LPAR3: variants seen among roughly 807,000 people sequenced by gnomAD.
LPAR3 encodes the protein LPA receptor 3.
A neutral mutation model predicts 17.8 loss-of-function variants in LPAR3; 7 were observed. That is an observed-to-expected ratio of 0.39 (90% CI 0.22 to 0.74). The LOEUF is 0.74. Ranked by LOEUF, LPAR3 falls within the 30% of genes least tolerant of loss-of-function variation. The pLI is 0.40. For missense variants in LPAR3, 391 were observed against 453.4 expected (o/e 0.86, Z 1.25); for synonymous variants, 179 against 179.9 (o/e 0.99, Z 0.04).
In LPAR3 at chr1:84,853,871, C is replaced by T. The variant is rs370503154; in HGVS notation, c.736+11514G>A. Reference sequence around the variant, plus strand: ...CCAGATGAGGCAGTTCAGCTGTGGGCTGAAGACTGGCCACAGGCCTATTTA... The same window carrying T: ...CCAGATGAGGCAGTTCAGCTGTGGGTTGAAGACTGGCCACAGGCCTATTTA... On this transcript the variant is annotated intron_variant, in intron 2 of 2. Coordinates refer to ENST00000370611, the MANE Select transcript of LPAR3 (RefSeq NM_012152.3). 6.6e-5 allele frequency among the ~76,000 whole-genome samples: 10 copies of T among 152,350 alleles called. No individual in the cohort carries two copies. In the South Asian group the frequency reaches 2.1e-3, roughly 32 times the overall value.
Position 84,813,158 on chromosome 1 carries a change from T to TATATATATATAGAGAGAGAG in LPAR3, c.*687_*688insCTCTCTCTCTATATATATAT, listed in dbSNP as rs1206774677. The TATATATATATAGAGAGAGAG allele has an allele frequency of 9.8e-6, 1 of 101,682 alleles. No individual in the cohort carries two copies. Among genetic ancestry groups the TATATATATATAGAGAGAGAG allele is most frequent in the East Asian group, 2.7e-4 (1 of 3,684 alleles). 6.3% of individuals were successfully genotyped at this position (101,682 alleles called of 1,614,324 possible). A position where few individuals can be genotyped will look rare whatever the true frequency, so the allele number is the denominator to read the frequency against. ...ATATATATATATATATATATATATA[T>TATATATATATAGAGAGAGAG]AGACACACACACACACACACACACA... On this transcript the variant is annotated 3_prime_UTR_variant, in exon 3 of 3. Coordinates refer to ENST00000370611, the MANE Select transcript of LPAR3 (RefSeq NM_012152.3).
intron 2 of LPAR3, among the ~76,000 whole-genome samples, chr1:84,850,981 C>G (rs551481399): frequency 6.6e-6 from 1 of 152,316 alleles, no homozygotes; most frequent in African/African-American, 2.4e-5. Flanking sequence ...GATGGTGGCT[C>G]CCAGCACTGG....
At chr1:84,873,575 C>G (rs1158638609) in intron 1 of LPAR3, among the ~76,000 whole-genome samples, 2 of 152,050 alleles carry the variant, frequency 1.3e-5, no homozygotes, top group Non-Finnish European at 2.9e-5. Flanking sequence ...CTCTGATATT[C>G]TTGGATAAAG....
At chr1:84,833,629 C>T (rs964684998) in intron 2 of LPAR3, among the ~76,000 whole-genome samples, 1 of 152,308 alleles carries the variant, frequency 6.6e-6, no homozygotes, top group African/African-American at 2.4e-5. Flanking sequence ...AGAGCCAGAC[C>T]GCTGGATTCA....
chr1:84,863,136 T>C (rs1659972982), intron 2 of LPAR3, among the ~76,000 whole-genome samples: 1 of 151,908 alleles, frequency 6.6e-6, no homozygotes. Flanking sequence ...AGTGCCGTGG[T>C]GTGATCACAG....
At chr1:84,841,808 A>G (rs1231260371) in intron 2 of LPAR3, among the ~76,000 whole-genome samples, 1 of 152,164 alleles carries the variant, frequency 6.6e-6, no homozygotes, top group Non-Finnish European at 1.5e-5. Flanking sequence ...TGGTCTGCTC[A>G]TAAGTCCTTC....
intron 2 of LPAR3, among the ~76,000 whole-genome samples, chr1:84,823,581 A>G (rs940016225): frequency 6.6e-6 from 1 of 152,178 alleles, no homozygotes; most frequent in African/African-American, 2.4e-5. Flanking sequence ...CCAGCTTTGA[A>G]AAACTGAAAA....
intron 2 of LPAR3, among the ~76,000 whole-genome samples, chr1:84,823,233 T>G (rs1659090445): frequency 6.6e-6 from 1 of 152,190 alleles, no homozygotes; most frequent in South Asian, 2.1e-4. Flanking sequence ...AATATTTAAG[T>G]GAAAATGCTC....
intron 1 of LPAR3, among the ~76,000 whole-genome samples, chr1:84,892,267 A>C (rs1005665641): frequency 2.6e-5 from 4 of 151,958 alleles, no homozygotes; most frequent in African/African-American, 9.7e-5. Context: ...ATAAAAACTA[A>C]CCTACAAATG....
chr1:84,870,289 C>T (rs910649819), intron 1 of LPAR3, among the ~76,000 whole-genome samples: 1 of 152,196 alleles, frequency 6.6e-6, no homozygotes, highest in African/African-American at 2.4e-5. Context: ...TTGCTTGTGA[C>T]CCAGTATTTT....
chr1:84,820,650 T>C (rs1426119033), intron 2 of LPAR3, among the ~76,000 whole-genome samples: 40 of 152,222 alleles, frequency 2.6e-4, no homozygotes, highest in Non-Finnish European at 5.9e-5. Flanking sequence ...TTTGGATTTA[T>C]TACAGATCAG....
intron 2 of LPAR3, among the ~76,000 whole-genome samples, chr1:84,824,653 T>C (rs1445411807): frequency 1.3e-5 from 2 of 152,178 alleles, no homozygotes; most frequent in Admixed American, 6.5e-5. Context: ...AATGAGATAA[T>C]ATGTGGAAAG....
intron 2 of LPAR3, among the ~76,000 whole-genome samples, chr1:84,858,176 T>G (rs557646533): frequency 1.3e-5 from 2 of 152,206 alleles, no homozygotes; most frequent in African/African-American, 4.8e-5. Flanking sequence ...CTTCTCATAT[T>G]ATAAAATTAT....
Position 84,854,045 on chromosome 1 carries a change from C to T in LPAR3, c.736+11340G>A, listed in dbSNP as rs185606227. Reference sequence around the variant, plus strand: ...CATATACCCATGTTATCTGCCTAGTCTCTCTTAGATATCTGACAATGAAGT... The same window carrying T: ...CATATACCCATGTTATCTGCCTAGTTTCTCTTAGATATCTGACAATGAAGT... On this transcript the variant is annotated intron_variant, in intron 2 of 2. Transcript: ENST00000370611. Among the ~76,000 whole-genome samples the T allele has an allele frequency of 3.8e-3, 575 of 152,340 alleles. 9 individuals carry two copies. The highest frequency in any genetic ancestry group is 4.1e-3 in the Non-Finnish European group (281 of 68,020).
At chr1:84,817,921 C>G (rs1280549177) in intron 2 of LPAR3, among the ~76,000 whole-genome samples, 1 of 152,162 alleles carries the variant, frequency 6.6e-6, no homozygotes, top group East Asian at 1.9e-4. Flanking sequence ...AGGTACCCTC[C>G]TACTCCTCCT....
intron 1 of LPAR3, among the ~76,000 whole-genome samples, chr1:84,880,215 A>G (rs566479794): frequency 6.6e-6 from 1 of 152,344 alleles, no homozygotes; most frequent in Admixed American, 6.5e-5. Flanking sequence ...CTGTAATGCC[A>G]GCTACTCGGG....
intron 2 of LPAR3, among the ~76,000 whole-genome samples, chr1:84,815,969 A>T (rs1175338976): frequency 6.6e-6 from 1 of 152,104 alleles, no homozygotes; most frequent in African/African-American, 2.4e-5. Context: ...GAGATAAGAG[A>T]TCAGAGATTT....
intron 2 of LPAR3, among the ~76,000 whole-genome samples, chr1:84,838,783 G>A (rs1659450522): frequency 6.6e-6 from 1 of 152,158 alleles, no homozygotes; most frequent in African/African-American, 2.4e-5. Flanking sequence ...CAGCCGGACA[G>A]GCAGGTGTTC....
intron 2 of LPAR3, among the ~76,000 whole-genome samples, chr1:84,817,980 T>C (rs1237039269): frequency 2.6e-5 from 4 of 152,186 alleles, no homozygotes; most frequent in Non-Finnish European, 4.4e-5. Context: ...CTGAGCAGCC[T>C]AGCACAAAGT....
Sources: allele counts gnomAD v4.1 joint callset (sites outside exome capture counted in the v4.1 genomes callset), GRCh38; gene constraint gnomAD v4.1.1; transcripts MANE v1.5; gene names NCBI Gene and HGNC (gene_info 2026-07-23, HGNC 2026-07-21).